Variants in MYO1D observed in about 807,000 individuals in gnomAD.
The protein encoded by MYO1D is unconventional myosin-Id.
Under a neutral mutation model 122.0 loss-of-function variants are expected in MYO1D, and 83 were observed. That is an observed-to-expected ratio of 0.68 (90% CI 0.57 to 0.82). MYO1D has a LOEUF of 0.82. Ranked by LOEUF, MYO1D falls within the 40% of genes least tolerant of loss-of-function variation. The pLI is 0.00. For synonymous variants in MYO1D, 464 were observed against 446.9 expected (o/e 1.04, Z -0.48); for missense variants, 1,157 against 1,269.5 (o/e 0.91, Z 1.35).
chr17:32,564,977 C>A (rs1194575425), intron 21 of MYO1D, among the ~76,000 whole-genome samples: 1 of 152,144 alleles, frequency 6.6e-6, no homozygotes, highest in Non-Finnish European at 1.5e-5. Flanking sequence ...TATAACTAGA[C>A]ATCATTTCAT....
At chr17:32,593,479 T>C (rs1433433249) in intron 21 of MYO1D, among the ~76,000 whole-genome samples, 1 of 152,234 alleles carries the variant, frequency 6.6e-6, no homozygotes. Flanking sequence ...CTAAAGATGT[T>C]GCTCCACAGG....
intron 1 of MYO1D, among the ~76,000 whole-genome samples, chr17:32,818,125 CA>C (rs58466009): frequency 0.36 from 16,678 of 45,954 alleles, 2,021 homozygotes; most frequent in Middle Eastern, 0.51. Context: ...GACTCCGTCT[CA>C]AAAAAAAAAA....
intron 21 of MYO1D, among the ~76,000 whole-genome samples, chr17:32,601,048 C>T (rs1023412679): frequency 2.0e-5 from 3 of 151,360 alleles, no homozygotes; most frequent in Admixed American, 2.0e-4. Flanking sequence ...AATTCAGCCT[C>T]TTAAGTAGCT....
chr17:32,815,690 T>A (rs1054555946), intron 1 of MYO1D, among the ~76,000 whole-genome samples: 1 of 152,146 alleles, frequency 6.6e-6, no homozygotes, highest in Non-Finnish European at 1.5e-5. Context: ...AAGTGACACA[T>A]CACTCTGTGC....
intron 1 of MYO1D, among the ~76,000 whole-genome samples, chr17:32,783,186 A>C (rs1484711578): frequency 1.3e-5 from 2 of 152,086 alleles, no homozygotes; most frequent in East Asian, 1.9e-4. Flanking sequence ...AAAGCAGCAG[A>C]AGAATGTCTC....
intron 21 of MYO1D, among the ~76,000 whole-genome samples, chr17:32,501,473 T>G (rs1288774310): frequency 6.6e-6 from 1 of 152,132 alleles, no homozygotes; most frequent in Non-Finnish European, 1.5e-5. Context: ...CCAGGAAAGA[T>G]CTGAATGGAC....
At chr17:32,765,610 C>T (rs1156741529) in intron 7 of MYO1D, among the ~76,000 whole-genome samples, 1 of 152,128 alleles carries the variant, frequency 6.6e-6, no homozygotes, top group Non-Finnish European at 1.5e-5. Context: ...AGGTGCCTGA[C>T]ACCACGCCCA....
intron 20 of MYO1D, among the ~76,000 whole-genome samples, chr17:32,630,208 C>A (rs974783989): frequency 1.3e-5 from 2 of 152,170 alleles, no homozygotes; most frequent in Non-Finnish European, 2.9e-5. Flanking sequence ...CCGGTAGCAA[C>A]AAGCACATCT....
At chr17:32,855,418 AG>A (rs2091020077) in intron 1 of MYO1D, among the ~76,000 whole-genome samples, 1 of 152,190 alleles carries the variant, frequency 6.6e-6, no homozygotes, top group Admixed American at 6.5e-5. Flanking sequence ...TATAAATGAA[AG>A]CATAGAGTAC....
intron 14 of MYO1D, among the ~76,000 whole-genome samples, chr17:32,737,188 A>G (rs760945311): frequency 6.6e-6 from 1 of 152,230 alleles, no homozygotes; most frequent in Admixed American, 6.5e-5. Context: ...AAAGATAAAA[A>G]TGAAGAAACT....
intron 19 of MYO1D, among the ~76,000 whole-genome samples, chr17:32,642,085 T>C (rs1376569555): frequency 1.3e-5 from 2 of 152,256 alleles, no homozygotes; most frequent in Non-Finnish European, 2.9e-5. Flanking sequence ...TAGTCTTTAA[T>C]CCATCTTGAA....
intron 21 of MYO1D, among the ~76,000 whole-genome samples, chr17:32,595,533 T>A (rs528901528): frequency 6.6e-6 from 1 of 152,324 alleles, no homozygotes; most frequent in Admixed American, 6.5e-5. Context: ...GAATTTTTCC[T>A]TTCTTTCATA....
intron 21 of MYO1D, among the ~76,000 whole-genome samples, chr17:32,559,970 A>C (rs2087102664): frequency 6.6e-6 from 1 of 152,198 alleles, no homozygotes; most frequent in Non-Finnish European, 1.5e-5. Context: ...ACTGCATAAA[A>C]AGTGTGCCAG....
At chr17:32,713,779 A>G (rs2089408652) in intron 15 of MYO1D, among the ~76,000 whole-genome samples, 1 of 152,098 alleles carries the variant, frequency 6.6e-6, no homozygotes, top group African/African-American at 2.4e-5. Flanking sequence ...GGCAACTACC[A>G]AGCCCAGCTA....
chr17:32,623,449 G>C, intron 20 of MYO1D, among the ~76,000 whole-genome samples: 1 of 152,114 alleles, frequency 6.6e-6, no homozygotes, highest in African/African-American at 2.4e-5. Context: ...TGGGGATGGG[G>C]GGTCGTTGCT....
chr17:32,721,526 T>C (rs1383786521), intron 14 of MYO1D, among the ~76,000 whole-genome samples: 1 of 152,164 alleles, frequency 6.6e-6, no homozygotes, highest in Non-Finnish European at 1.5e-5. Context: ...AGTAATTCAA[T>C]AGAAAAAGGC....
At chr17:32,806,277 CAAAAA>C (rs1023202243) in intron 1 of MYO1D, among the ~76,000 whole-genome samples, 1 of 151,366 alleles carries the variant, frequency 6.6e-6, no homozygotes, top group African/African-American at 2.4e-5. Flanking sequence ...CAAACAAAAA[CAAAAA>C]AAAGTAACCT....
intron 21 of MYO1D, among the ~76,000 whole-genome samples, chr17:32,554,782 T>C (rs2087053826): frequency 6.6e-6 from 1 of 152,114 alleles, no homozygotes; most frequent in African/African-American, 2.4e-5. Context: ...CACGTACAAA[T>C]CACAGGTAGA....
chr17:32,866,280 AAAG>A (rs1159018688), intron 1 of MYO1D, among the ~76,000 whole-genome samples: 2 of 152,198 alleles, frequency 1.3e-5, no homozygotes, highest in African/African-American at 2.4e-5. Flanking sequence ...GCATAAAATA[AAAG>A]AAGAAAAAAA....
Sources: allele counts gnomAD v4.1 joint callset (sites outside exome capture counted in the v4.1 genomes callset), GRCh38; gene constraint gnomAD v4.1.1; transcripts MANE v1.5; gene names NCBI Gene and HGNC (gene_info 2026-07-23, HGNC 2026-07-21).